CDK6: variants seen among roughly 807,000 people sequenced by gnomAD.
CDK6 encodes cyclin dependent kinase 6.
Under a neutral mutation model 37.1 loss-of-function variants are expected in CDK6, and 6 were observed. That is an observed-to-expected ratio of 0.16 (90% CI 0.09 to 0.32). The LOEUF is 0.32. Among genes scored for constraint, CDK6 ranks in the 10% least tolerant of loss-of-function variants. CDK6 has a pLI of 1.00. For missense variants in CDK6, 224 were observed against 418.9 expected (o/e 0.53, Z 4.06); for synonymous variants, 160 against 161.3 (o/e 0.99, Z 0.06).
At chr7:92,629,136 C>G (rs1005153261) in intron 5 of CDK6, among the ~76,000 whole-genome samples, 1 of 151,990 alleles carries the variant, frequency 6.6e-6, no homozygotes, top group Non-Finnish European at 1.5e-5. Flanking sequence ...AAAGAAGAAT[C>G]TGAGACGAAG....
intron 5 of CDK6, among the ~76,000 whole-genome samples, chr7:92,640,108 T>C (rs1480382077): frequency 6.6e-6 from 1 of 151,948 alleles, no homozygotes; most frequent in Non-Finnish European, 1.5e-5. Flanking sequence ...GAGGGAAGGG[T>C]TGCCACAGGC....
chr7:92,652,538 G>A (rs1796600000), intron 5 of CDK6, among the ~76,000 whole-genome samples: 1 of 152,186 alleles, frequency 6.6e-6, no homozygotes, highest in Non-Finnish European at 1.5e-5. Context: ...TCTGCCTGAA[G>A]CTTTTCAGGG....
rs114809787 is a variant in CDK6 at position 92,641,706 on chromosome 7, T to C, written c.648-18620A>G. 3.2e-3 allele frequency among the ~76,000 whole-genome samples: 489 copies of C among 152,344 alleles called. 5 individuals are homozygous for C. The highest frequency in any genetic ancestry group is 0.011 in the African/African-American group (469 of 41,580). On this transcript the variant is annotated intron_variant, in intron 5 of 7. Coordinates refer to ENST00000424848, the MANE Select transcript of CDK6 (RefSeq NM_001145306.2). ...AACAGTCCAGATTGCTGATCCTACA[T>C]GGTTCAGGAATATTAGAACAAATGG...
intron 3 of CDK6, among the ~76,000 whole-genome samples, chr7:92,773,304 A>AGACGGCACTTGAAAAATTTAGGTAGATAG (rs1799764578): frequency 6.6e-6 from 1 of 152,250 alleles, no homozygotes; most frequent in South Asian, 2.1e-4. Context: ...ATGGCTTTTG[A>AGACGGCACTTGAAAAATTTAGGTAGATAG]GACGGCACTT....
chr7:92,796,940 C>T (rs1800428961), intron 2 of CDK6, among the ~76,000 whole-genome samples: 1 of 151,974 alleles, frequency 6.6e-6, no homozygotes, highest in Non-Finnish European at 1.5e-5. Context: ...TGGACAAACT[C>T]TAAGATGGAA....
chr7:92,818,286 G>A (rs766941838), intron 2 of CDK6, among the ~76,000 whole-genome samples: 3 of 151,862 alleles, frequency 2.0e-5, no homozygotes, highest in Non-Finnish European at 4.4e-5. Context: ...TCTAAAAACA[G>A]GCCCAAATGT....
chr7:92,788,942 C>G (rs1006002244), intron 2 of CDK6, among the ~76,000 whole-genome samples: 1 of 151,918 alleles, frequency 6.6e-6, no homozygotes, highest in African/African-American at 2.4e-5. Context: ...CACAAAGAAC[C>G]CCCTCATCTC....
At position 92,607,894 on chromosome 7, in the gene CDK6, A is replaced by C. The variant is rs980993773; in HGVS notation, c.*7246T>G. On this transcript the variant is annotated 3_prime_UTR_variant, in exon 8 of 8. Transcript: ENST00000424848. Reference sequence around the variant, plus strand: ...ACACAGGATCAGAATGAAAAGATATATCATGCACTGTGAGGTTTAAGAAAT... The same window carrying C: ...ACACAGGATCAGAATGAAAAGATATCTCATGCACTGTGAGGTTTAAGAAAT... The C allele has an allele frequency of 8.6e-6, 2 of 233,438 alleles. No individual in the cohort carries two copies. The highest frequency in any genetic ancestry group is 1.7e-5 in the Non-Finnish European group (2 of 117,922). The allele number at this position is 233,438 out of a possible 1,614,324, so 14.5% of individuals were successfully genotyped here. A position where few individuals can be genotyped will look rare whatever the true frequency, so the allele number is the denominator to read the frequency against.
intron 2 of CDK6, among the ~76,000 whole-genome samples, chr7:92,781,970 T>C (rs1318512961): frequency 6.6e-6 from 1 of 152,210 alleles, no homozygotes; most frequent in East Asian, 1.9e-4. Flanking sequence ...ATGGACTCTG[T>C]GTGCACTTAT....
chr7:92,691,604 A>T (rs1797601345), intron 4 of CDK6, among the ~76,000 whole-genome samples: 1 of 152,222 alleles, frequency 6.6e-6, no homozygotes, highest in East Asian at 1.9e-4. Flanking sequence ...TTAATTTTAC[A>T]TTTTAGAAAA....
At chr7:92,752,839 C>G (rs149422841) in intron 3 of CDK6, among the ~76,000 whole-genome samples, 13 of 152,174 alleles carry the variant, frequency 8.5e-5, no homozygotes, top group African/African-American at 2.4e-4. Flanking sequence ...TTGGTATTTT[C>G]TCTGCTATTC....
At chr7:92,669,005 A>G (rs1412385817) in intron 5 of CDK6, among the ~76,000 whole-genome samples, 1 of 152,242 alleles carries the variant, frequency 6.6e-6, no homozygotes, top group East Asian at 1.9e-4. Context: ...TTGAAGTGCC[A>G]AAGGATCTCT....
intron 5 of CDK6, among the ~76,000 whole-genome samples, chr7:92,656,044 T>C (rs1796691111): frequency 2.0e-5 from 3 of 151,994 alleles, no homozygotes; most frequent in African/African-American, 7.3e-5. Flanking sequence ...CGAAAGACCA[T>C]GCGGAATGCT....
chr7:92,650,942 T>A (rs1470653293), intron 5 of CDK6, among the ~76,000 whole-genome samples: 1 of 151,792 alleles, frequency 6.6e-6, no homozygotes, highest in Non-Finnish European at 1.5e-5. Context: ...CAGGCTGGAG[T>A]GCAATGGTGC....
chr7:92,797,862 C>A (rs1400855347), intron 2 of CDK6, among the ~76,000 whole-genome samples: 1 of 152,140 alleles, frequency 6.6e-6, no homozygotes, highest in Non-Finnish European at 1.5e-5. Flanking sequence ...AACACCTCCT[C>A]ACTCTCCACG....
intron 2 of CDK6, among the ~76,000 whole-genome samples, chr7:92,815,148 C>T (rs1800995565): frequency 1.3e-5 from 2 of 152,146 alleles, no homozygotes; most frequent in Non-Finnish European, 2.9e-5. Flanking sequence ...TATAGGGTAA[C>T]TGCACCAGTT....
intron 2 of CDK6, among the ~76,000 whole-genome samples, chr7:92,788,156 T>A (rs2115843534): frequency 6.6e-6 from 1 of 152,288 alleles, no homozygotes; most frequent in Middle Eastern, 3.4e-3. Context: ...CTTATAAAAA[T>A]TAAATTATGA....
chr7:92,630,401 C>CT (rs1486142063), intron 5 of CDK6, among the ~76,000 whole-genome samples: 2 of 152,002 alleles, frequency 1.3e-5, no homozygotes, highest in African/African-American at 4.8e-5. Flanking sequence ...GTATTTAGCA[C>CT]TTTCCAAGGG....
intron 3 of CDK6, among the ~76,000 whole-genome samples, chr7:92,770,389 T>C (rs1011898685): frequency 1.3e-5 from 2 of 151,520 alleles, no homozygotes; most frequent in African/African-American, 4.9e-5. Context: ...CCTATGATTT[T>C]ATTTTATTCT....
Sources: allele counts gnomAD v4.1 joint callset (sites outside exome capture counted in the v4.1 genomes callset), GRCh38; gene constraint gnomAD v4.1.1; transcripts MANE v1.5; gene names NCBI Gene and HGNC (gene_info 2026-07-23, HGNC 2026-07-21).